Variants in UBE2L6 observed in about 807,000 individuals in gnomAD.
UBE2L6 encodes the protein ubiquitin/ISG15-conjugating enzyme E2 L6.
Under a neutral mutation model 13.6 loss-of-function variants are expected in UBE2L6, and 11 were observed. That is an observed-to-expected ratio of 0.81 (90% CI 0.51 to 1.34). UBE2L6 has a LOEUF of 1.34. Ranked by LOEUF, UBE2L6 falls within the 40% of genes most tolerant of loss-of-function variation. The pLI, the probability that UBE2L6 is intolerant of heterozygous loss-of-function variation, is 0.00. For missense variants in UBE2L6, 197 were observed against 199.5 expected, an observed-to-expected ratio of 0.99 and a Z score of 0.07; for synonymous variants, 74 against 83.2, an observed-to-expected ratio of 0.89 and a Z score of 0.60.
rs10624657 is a variant in UBE2L6 at position 57,566,947 on chromosome 11, G to GCCC, written c.27+635_27+637dup. 285 of 102,422 alleles carry GCCC rather than the reference G, an allele frequency of 2.8e-3. 21 individuals are homozygous for GCCC. The highest frequency in any genetic ancestry group is 8.6e-3 in the Middle Eastern group (3 of 350). The allele number at this position is 102,422 out of a possible 1,614,324, so 6.3% of individuals were successfully genotyped here. On this transcript the variant is annotated intron_variant, in intron 1 of 3. Transcript: ENST00000287156. ...GCCGGATTTGTGTTCATCTCTGCCCGCCCCCCCCCCCCTCCTAGAACAGGG... is the reference window on the plus strand; with the variant it reads ...GCCGGATTTGTGTTCATCTCTGCCCGCCCCCCCCCCCCCCCTCCTAGAACAGGG...
chr11:57,556,736 G>A (rs1333791621), intron 2 of UBE2L6, among the ~76,000 whole-genome samples: 1 of 152,088 alleles, frequency 6.6e-6, no homozygotes, highest in Admixed American at 6.6e-5. Context: ...CCTCAGAGCA[G>A]GATGGGAGGG....
rs762896473 is a variant in UBE2L6, at chr11:57,552,317, G to C, written c.*41C>G. On this transcript the variant is annotated 3_prime_UTR_variant, in exon 4 of 4. Coordinates refer to ENST00000287156, the MANE Select transcript of UBE2L6 (RefSeq NM_004223.5). ...CTCAGTCCATGAGGTGTGTCCGTCC[G>C]CTATGCCGAGGATCCAGTGCACAGA... The C allele has an allele frequency of 1.9e-6, 3 of 1,610,658 alleles. No individual in the cohort carries two copies. Among genetic ancestry groups the C allele is most frequent in the South Asian group, 1.1e-5 (1 of 90,800 alleles).
chr11:57,556,159 G>C (rs139414323), intron 2 of UBE2L6, among the ~76,000 whole-genome samples: 40 of 152,232 alleles, frequency 2.6e-4, no homozygotes, highest in African/African-American at 9.1e-4. Context: ...CACCCTGCCT[G>C]GGTGTGATTC....
intron 3 of UBE2L6, among the ~76,000 whole-genome samples, chr11:57,553,231 C>T (rs185502107): frequency 1.3e-5 from 2 of 152,382 alleles, no homozygotes; most frequent in Admixed American, 1.3e-4. Flanking sequence ...CGGTGGCTCA[C>T]GCCTGTAATC....
chr11:57,567,804 A>G (rs916026758), upstream of UBE2L6: 1 of 554,804 alleles, frequency 1.8e-6, no homozygotes, highest in Non-Finnish European at 2.9e-6. Context: ...GACCCGCCGG[A>G]CAACCGCCCG....
At chr11:57,557,714 G>A (rs866100703) in intron 2 of UBE2L6, among the ~76,000 whole-genome samples, 1 of 152,048 alleles carries the variant, frequency 6.6e-6, no homozygotes, top group African/African-American at 2.4e-5. Flanking sequence ...TGTACAGCCT[G>A]CAGAAGCTTG....
In UBE2L6 at chr11:57,560,445, C is replaced by T. The variant is rs1945031495; in HGVS notation, c.28-13G>A. 1 of 1,601,266 alleles carries T rather than the reference C, an allele frequency of 6.2e-7. No individual in the cohort carries two copies. Among genetic ancestry groups the T allele is most frequent in the Non-Finnish European group, 8.6e-7 (1 of 1,169,520 alleles). ...GATCCTCCAGCTCCTGCAGGGGACACAAGTGAGTGGGCAGTTGGCCTAGTC... is the reference window on the plus strand; with the variant it reads ...GATCCTCCAGCTCCTGCAGGGGACATAAGTGAGTGGGCAGTTGGCCTAGTC... On this transcript the variant is annotated splice_polypyrimidine_tract_variant and intron_variant, in intron 1 of 3. Transcript: ENST00000287156.
rs575351523 is a variant in UBE2L6 at position 57,557,170 on chromosome 11, T to C, written c.124-2547A>G. ...GTCCTGGGGGCAGACCTCCCACGAA[T>C]GGCTCCGTGGAATGGCTCCGTGCCA... is the stretch of plus-strand genomic sequence containing the variant. On this transcript the variant is annotated intron_variant, in intron 2 of 3. Coordinates refer to ENST00000287156, the MANE Select transcript of UBE2L6 (RefSeq NM_004223.5). 2.6e-5 allele frequency among the ~76,000 whole-genome samples: 4 copies of C among 152,182 alleles called. No individual in the cohort carries two copies. In the East Asian group the frequency reaches 5.8e-4, roughly 22 times the overall value.
At position 57,551,684 on chromosome 11, in the gene UBE2L6, T is replaced by C. The variant is rs1182292954; in HGVS notation, c.*674A>G. ...GAATTCATCTCTGACTTTAATGGCT[T>C]AAGCAAGAACATGGTTTCCGTGGCT... is the stretch of plus-strand genomic sequence containing the variant. On this transcript the variant is annotated 3_prime_UTR_variant, in exon 4 of 4. Transcript: ENST00000287156. 1 of 152,278 alleles carries C rather than the reference T, an allele frequency of 6.6e-6. No individual in the cohort carries two copies. The highest frequency in any genetic ancestry group is 6.6e-5 in the Admixed American group (1 of 15,266). The allele number at this position is 152,278 out of a possible 1,614,324, so 9.4% of individuals were successfully genotyped here. A position where few individuals can be genotyped will look rare whatever the true frequency, so the allele number is the denominator to read the frequency against.
At chr11:57,558,906 G>C (rs1242361876) in intron 2 of UBE2L6, among the ~76,000 whole-genome samples, 1 of 152,198 alleles carries the variant, frequency 6.6e-6, no homozygotes, top group Non-Finnish European at 1.5e-5. Flanking sequence ...TTCCTCCCAA[G>C]TATCATGTTT....
chr11:57,558,891 T>G (rs914173143), intron 2 of UBE2L6, among the ~76,000 whole-genome samples: 11 of 152,238 alleles, frequency 7.2e-5, no homozygotes, highest in African/African-American at 2.7e-4. Flanking sequence ...CCTCCAGCTC[T>G]GGGATTCCTC....
At chr11:57,566,961 C>CCCCCCCCCAA in intron 1 of UBE2L6, 3 of 346,554 alleles carry the variant, frequency 8.7e-6, no homozygotes, top group Non-Finnish European at 1.2e-5. Context: ...CCCCCCCCCT[C>CCCCCCCCCAA]CTAGAACAGG....
intron 1 of UBE2L6, among the ~76,000 whole-genome samples, chr11:57,564,430 C>T (rs1022204312): frequency 1.3e-5 from 2 of 152,152 alleles, no homozygotes; most frequent in Non-Finnish European, 2.9e-5. Context: ...GAGATACCAT[C>T]GACACCAGAC....
intron 3 of UBE2L6, among the ~76,000 whole-genome samples, chr11:57,553,917 T>C (rs937451117): frequency 3.9e-5 from 6 of 152,214 alleles, no homozygotes; most frequent in African/African-American, 1.4e-4. Flanking sequence ...TGTATGACCT[T>C]AGGCAACCAC....
chr11:57,552,656 C>G lies in UBE2L6; in HGVS notation c.311-147G>C. 13 of 1,040,716 alleles carry G rather than the reference C, an allele frequency of 1.2e-5. No homozygotes were observed. In the South Asian group the frequency reaches 1.9e-4, roughly 15 times the overall value. 64.5% of individuals were successfully genotyped at this position (1,040,716 alleles called of 1,614,324 possible). ...TACTCTACGACCAGATCAAACGCCC[C>G]GCTCATTCTTGGCTGGTGACACCCA... On this transcript the variant is annotated intron_variant, in intron 3 of 3. Coordinates refer to ENST00000287156, the MANE Select transcript of UBE2L6 (RefSeq NM_004223.5).
rs149052421 is a variant in UBE2L6, at chr11:57,557,906, G to C, written c.123+2431C>G. On this transcript the variant is annotated intron_variant, in intron 2 of 3. Coordinates refer to ENST00000287156, the MANE Select transcript of UBE2L6 (RefSeq NM_004223.5). ...ATGGAGCTGAGAGCTCCGGGGACCT[G>C]TCCCAGCTCTGCCTCGGGCTTGCTG... is the stretch of plus-strand genomic sequence containing the variant. Among the ~76,000 whole-genome samples the C allele has an allele frequency of 2.0e-3, 297 of 152,300 alleles. 2 individuals are homozygous for C. Among genetic ancestry groups the C allele is most frequent in the African/African-American group, 6.8e-3 (282 of 41,566 alleles).
intron 1 of UBE2L6, among the ~76,000 whole-genome samples, chr11:57,565,357 T>TA (rs1491460316): frequency 3.0e-5 from 1 of 32,848 alleles, no homozygotes; most frequent in Non-Finnish European, 6.9e-5. Context: ...GTATTAGTTG[T>TA]TTTTTTTTTT....
At position 57,551,715 on chromosome 11, in the gene UBE2L6, T is replaced by C. The variant is rs1474482792; in HGVS notation, c.*643A>G. On this transcript the variant is annotated 3_prime_UTR_variant, in exon 4 of 4. Coordinates refer to ENST00000287156, the MANE Select transcript of UBE2L6 (RefSeq NM_004223.5). The stretch of plus-strand genomic sequence containing the variant: ...AGAACATGGTTTCCGTGGCTCCCCC[T>C]GGACTGAATGCTGGAGGATATATAC... 1 of 152,314 alleles carries C rather than the reference T, an allele frequency of 6.6e-6. No individual in the cohort carries two copies. Among genetic ancestry groups the C allele is most frequent in the Non-Finnish European group, 1.5e-5 (1 of 68,154 alleles). The allele number at this position is 152,314 out of a possible 1,614,324, so 9.4% of individuals were successfully genotyped here.
Position 57,560,437 on chromosome 11 carries a change from A to G in UBE2L6, c.28-5T>C, listed in dbSNP as rs888870842. On this transcript the variant is annotated splice_polypyrimidine_tract_variant and splice_region_variant and intron_variant, in intron 1 of 3. Coordinates refer to ENST00000287156, the MANE Select transcript of UBE2L6 (RefSeq NM_004223.5). ...CTTCTGAAGATCCTCCAGCTCCTGC[A>G]GGGGACACAAGTGAGTGGGCAGTTG... The G allele has an allele frequency of 1.9e-6, 3 of 1,609,372 alleles. No individual in the cohort carries two copies. Among genetic ancestry groups the G allele is most frequent in the Non-Finnish European group, 2.5e-6 (3 of 1,176,802 alleles).
Sources: allele counts gnomAD v4.1 joint callset (sites outside exome capture counted in the v4.1 genomes callset), GRCh38; gene constraint gnomAD v4.1.1; transcripts MANE v1.5; gene names NCBI Gene and HGNC (gene_info 2026-07-23, HGNC 2026-07-21).